USH2A: variants seen among roughly 807,000 people sequenced by gnomAD.
The protein encoded by USH2A is Usher syndrome 2A (autosomal recessive, mild).
Under a neutral mutation model 538.9 loss-of-function variants are expected in USH2A, and 443 were observed. That is an observed-to-expected ratio of 0.82 (90% confidence interval 0.76 to 0.89). USH2A has a LOEUF of 0.89. Ranked by LOEUF, USH2A falls within the 40% of genes least tolerant of loss-of-function variation. The pLI is 0.00. For missense variants in USH2A, 6,633 were observed against 6,324.8 expected, an observed-to-expected ratio of 1.05 and a Z score of -1.65; for synonymous variants, 2,413 against 2,273.5, an observed-to-expected ratio of 1.06 and a Z score of -1.75.
At chr1:215,708,628 G>C (rs961191832) in intron 61 of USH2A, among the ~76,000 whole-genome samples, 2 of 152,112 alleles carry the variant, frequency 1.3e-5, no homozygotes, top group Admixed American at 6.5e-5. Context: ...ACACAACTTA[G>C]ATCCCTTGCG....
At chr1:215,923,824 G>C (rs76654268) in intron 38 of USH2A, among the ~76,000 whole-genome samples, 9 of 151,862 alleles carry the variant, frequency 5.9e-5, no homozygotes, top group African/African-American at 2.2e-4. Context: ...GAAAGAAAAA[G>C]GGAGACCAGC....
chr1:216,229,386 A>G (rs1246968907), intron 14 of USH2A, among the ~76,000 whole-genome samples: 2 of 150,234 alleles, frequency 1.3e-5, no homozygotes, highest in Non-Finnish European at 1.5e-5. Flanking sequence ...CACAATCTTG[A>G]CTCACTGCAG....
intron 44 of USH2A, among the ~76,000 whole-genome samples, chr1:215,850,676 T>C (rs1663994664): frequency 1.3e-5 from 2 of 152,180 alleles, no homozygotes; most frequent in East Asian, 1.9e-4. Flanking sequence ...ACTTAGAGTA[T>C]ACCCTAGAAC....
At chr1:215,836,319 C>T (rs1036259749) in intron 47 of USH2A, among the ~76,000 whole-genome samples, 1 of 148,420 alleles carries the variant, frequency 6.7e-6, no homozygotes, top group African/African-American at 2.5e-5. Context: ...ACATCTAAAC[C>T]TCTTATTATA....
intron 64 of USH2A, among the ~76,000 whole-genome samples, chr1:215,668,077 A>G (rs1431070571): frequency 6.6e-6 from 1 of 152,176 alleles, no homozygotes; most frequent in Non-Finnish European, 1.5e-5. Context: ...CCTACAATCT[A>G]CAATTACCTC....
intron 4 of USH2A, among the ~76,000 whole-genome samples, chr1:216,334,293 A>T (rs2037929010): frequency 6.6e-6 from 1 of 152,020 alleles, no homozygotes. Context: ...ATTTTTATGA[A>T]TTAAGATGTT....
At chr1:216,242,104 C>T (rs1460523079) in intron 13 of USH2A, among the ~76,000 whole-genome samples, 1 of 151,682 alleles carries the variant, frequency 6.6e-6, no homozygotes, top group Non-Finnish European at 1.5e-5. Flanking sequence ...TATAATTCCT[C>T]ACTTTGGGAG....
At chr1:216,112,228 T>C (rs142483752) in intron 21 of USH2A, among the ~76,000 whole-genome samples, 1 of 152,320 alleles carries the variant, frequency 6.6e-6, no homozygotes, top group East Asian at 1.9e-4. Flanking sequence ...TATCTTATTA[T>C]TTAAACATGT....
chr1:215,671,663 C>G (rs1365121661), intron 63 of USH2A, among the ~76,000 whole-genome samples: 1 of 152,174 alleles, frequency 6.6e-6, no homozygotes, highest in Non-Finnish European at 1.5e-5. Flanking sequence ...ATAAATAACT[C>G]TCAAGATTCT....
intron 61 of USH2A, among the ~76,000 whole-genome samples, chr1:215,681,596 T>TG (rs1460523256): frequency 2.0e-5 from 3 of 152,128 alleles, no homozygotes; most frequent in African/African-American, 7.2e-5. Context: ...AAATTATGTG[T>TG]GGGGGCATCC....
intron 27 of USH2A, among the ~76,000 whole-genome samples, chr1:216,076,376 C>G (rs1442044228): frequency 6.6e-6 from 1 of 152,050 alleles, no homozygotes; most frequent in Non-Finnish European, 1.5e-5. Flanking sequence ...AAATTATTCC[C>G]TTTGGGTCTA....
At chr1:215,865,974 C>A (rs1571761384) in intron 44 of USH2A, among the ~76,000 whole-genome samples, 1 of 152,174 alleles carries the variant, frequency 6.6e-6, no homozygotes. Context: ...TCCAGTGTAA[C>A]CAAAATCACA....
chr1:216,118,878 A>T (rs184004251), intron 21 of USH2A, among the ~76,000 whole-genome samples: 45 of 152,220 alleles, frequency 3.0e-4, no homozygotes, highest in Non-Finnish European at 4.6e-4. Flanking sequence ...CTCCATGTAC[A>T]GTCTTAAACT....
At chr1:216,380,026 T>A (rs1257136679) in intron 3 of USH2A, among the ~76,000 whole-genome samples, 3 of 152,228 alleles carry the variant, frequency 2.0e-5, no homozygotes, top group Admixed American at 6.5e-5. Context: ...AGCACTGTCA[T>A]TTAAAACTGG....
At chr1:215,972,115 A>G (rs1667507797) in intron 35 of USH2A, among the ~76,000 whole-genome samples, 1 of 152,160 alleles carries the variant, frequency 6.6e-6, no homozygotes, top group Non-Finnish European at 1.5e-5. Flanking sequence ...TGAACCTACA[A>G]ACTACAAACT....
chr1:215,759,898 C>G, intron 56 of USH2A, 55 bp from the exon 57 acceptor site: 10 of 1,602,904 alleles, frequency 6.2e-6, no homozygotes, highest in Middle Eastern at 1.7e-4. Flanking sequence ...AACAGTGTAT[C>G]AAAAGTCACA....
chr1:216,001,841 T>C (rs1317295737), intron 32 of USH2A, among the ~76,000 whole-genome samples: 1 of 152,074 alleles, frequency 6.6e-6, no homozygotes, highest in Non-Finnish European at 1.5e-5. Flanking sequence ...GAAGAGAGAT[T>C]AAAAAAATAA....
intron 3 of USH2A, among the ~76,000 whole-genome samples, chr1:216,401,066 A>G (rs2039295192): frequency 6.6e-6 from 1 of 152,106 alleles, no homozygotes; most frequent in African/African-American, 2.4e-5. Context: ...TTTGCTAGAT[A>G]ATATTTCACG....
intron 61 of USH2A, among the ~76,000 whole-genome samples, chr1:215,696,768 A>G (rs1658824174): frequency 6.6e-6 from 1 of 152,144 alleles, no homozygotes; most frequent in South Asian, 2.1e-4. Flanking sequence ...TTGGGAGGCC[A>G]AGGTGGGAGG....
Sources: gnomAD v4.1 joint callset for allele counts (sites outside exome capture counted in the v4.1 genomes callset) on GRCh38, gnomAD v4.1.1 for gene constraint, MANE v1.5 for transcripts, NCBI Gene and HGNC (gene_info 2026-07-23, HGNC 2026-07-21) for gene names.